APOLD1: variants seen among roughly 807,000 people sequenced by gnomAD.
APOLD1 encodes the protein apolipoprotein L domain-containing protein 1.
APOLD1 carries 22 observed loss-of-function variants against 15.3 expected under a neutral mutation model. The observed-to-expected ratio is 1.44, with a 90% CI of 1.03 to 2.05. The LOEUF is 2.05. Ranked by LOEUF, APOLD1 falls within the 30% of genes most tolerant of loss-of-function variation. The pLI is 0.00. For synonymous variants in APOLD1, 190 were observed against 167.4 expected (o/e 1.13, Z -1.04); for missense variants, 394 against 353.5 (o/e 1.11, Z -0.92).
intron 1 of APOLD1, among the ~76,000 whole-genome samples, chr12:12,756,042 C>T (rs1946855572): frequency 6.6e-6 from 1 of 152,144 alleles, no homozygotes; most frequent in Admixed American, 6.6e-5. Context: ...CCTGACTAAT[C>T]CAAGTCAGAA....
In APOLD1 at chr12:12,726,156, C is replaced by CAAAAAAAA. The variant is rs745785485; in HGVS notation, c.96+77_96+84dup. 135 of 113,566 alleles carry CAAAAAAAA rather than the reference C, an allele frequency of 1.2e-3. 1 individual carries two copies. The highest frequency in any genetic ancestry group is 2.6e-3 in the South Asian group (29 of 11,322). The allele number at this position is 113,566 out of a possible 1,614,324, so 7.0% of individuals were successfully genotyped here. A position where few individuals can be genotyped will look rare whatever the true frequency, so the allele number is the denominator to read the frequency against. Reference sequence around the variant, plus strand: ...CCGGAAAAGAACACCTCTTCGCAACCAAAAAAAAAAAAAAAAAAAAAAAAG... The same window carrying CAAAAAAAA: ...CCGGAAAAGAACACCTCTTCGCAACCAAAAAAAAAAAAAAAAAAAAAAAAAAAAAAAAG... On this transcript the variant is annotated intron_variant, in intron 1 of 1. Transcript: ENST00000326765.
chr12:12,781,673 G>T (rs1031302208), upstream of APOLD1, among the ~76,000 whole-genome samples: 1 of 151,148 alleles, frequency 6.6e-6, no homozygotes, highest in Non-Finnish European at 1.5e-5. Context: ...GACTACAGGC[G>T]CCTGCCACCA....
At chr12:12,769,227 TAAAAAAAAAA>T (rs35276279) in intron 1 of APOLD1, among the ~76,000 whole-genome samples, 2 of 61,762 alleles carry the variant, frequency 3.2e-5, no homozygotes, top group Non-Finnish European at 6.4e-5. Context: ...GACCTCCAGC[TAAAAAAAAAA>T]AAAAAAAAAA....
intron 1 of APOLD1, among the ~76,000 whole-genome samples, chr12:12,729,889 ACC>A (rs1485822026): frequency 1.3e-5 from 2 of 151,758 alleles, no homozygotes; most frequent in African/African-American, 4.8e-5. Flanking sequence ...TTTTTTTGAG[ACC>A]AGGTCTCACT....
chr12:12,776,828 T>TA (rs1244009181), intron 1 of APOLD1, among the ~76,000 whole-genome samples: 8 of 152,204 alleles, frequency 5.3e-5, no homozygotes, highest in African/African-American at 1.4e-4. Flanking sequence ...TATATTGAAT[T>TA]AAAAACAGGT....
Position 12,760,708 on chromosome 12 carries a change from T to C in APOLD1, c.97-26201T>C, listed in dbSNP as rs117286761. On this transcript the variant is annotated intron_variant, in intron 1 of 1. Transcript: ENST00000326765. The stretch of plus-strand genomic sequence containing the variant: ...CAAAACCCTTATGTCCATACCACAG[T>C]AAACCTTCTATATGTGGATAAGAAA... Among the ~76,000 whole-genome samples, 1,173 of 149,324 alleles carry C rather than the reference T, an allele frequency of 7.9e-3. 9 individuals are homozygous for C. The highest frequency in any genetic ancestry group is 0.015 in the Non-Finnish European group (999 of 67,522).
intron 1 of APOLD1, among the ~76,000 whole-genome samples, chr12:12,745,939 G>T (rs969495079): frequency 6.6e-6 from 1 of 152,198 alleles, no homozygotes; most frequent in East Asian, 1.9e-4. Flanking sequence ...CAGGAAGAGG[G>T]CATTTATCTG....
chr12:12,730,937 C>T (rs1228544122), intron 1 of APOLD1, among the ~76,000 whole-genome samples: 3 of 151,760 alleles, frequency 2.0e-5, no homozygotes, highest in Non-Finnish European at 2.9e-5. Context: ...GTCAGGAGAT[C>T]GAGACCATCT....
chr12:12,730,073 TGTGTGAGAGAGA>T (rs1245997745), intron 1 of APOLD1, among the ~76,000 whole-genome samples: 18 of 43,972 alleles, frequency 4.1e-4, no homozygotes, highest in East Asian at 2.0e-3. Context: ...TGTGTGTGTG[TGTGTGAGAGAGA>T]GAGAGAGAGA....
intron 1 of APOLD1, among the ~76,000 whole-genome samples, chr12:12,760,776 T>A (rs188647697): frequency 6.6e-6 from 1 of 152,118 alleles, no homozygotes; most frequent in Non-Finnish European, 1.5e-5. Context: ...TATGAATAGA[T>A]CATTTACATA....
intron 1 of APOLD1, among the ~76,000 whole-genome samples, chr12:12,733,611 CT>C (rs531712295): frequency 6.6e-6 from 1 of 151,088 alleles, no homozygotes; most frequent in Non-Finnish European, 1.5e-5. Flanking sequence ...AATTTTTTTT[CT>C]TTTTTTTTGA....
intron 1 of APOLD1, among the ~76,000 whole-genome samples, chr12:12,731,881 G>GTC (rs1204054518): frequency 6.6e-6 from 1 of 152,206 alleles, no homozygotes; most frequent in African/African-American, 2.4e-5. Context: ...AGCCACGACC[G>GTC]TCTTTCAGGT....
At chr12:12,786,815 C>G (rs1398885973) in intron 1 of APOLD1, 94 bp from the exon 2 acceptor site, 1 of 1,317,642 alleles carries the variant, frequency 7.6e-7, no homozygotes, top group Non-Finnish European at 9.6e-7. Flanking sequence ...CTCCGCTGAA[C>G]TCGTGCCAAG....
chr12:12,786,863 G>A, intron 1 of APOLD1, 46 bp from the exon 2 acceptor site: 1 of 1,368,550 alleles, frequency 7.3e-7, no homozygotes, highest in Non-Finnish European at 9.4e-7. Context: ...GGGAGCGGCG[G>A]CTGGCACGGA....
rs531515337 is a variant in APOLD1 at position 12,790,896 on chromosome 12, A to T, written c.*3244A>T. 1.3e-5 allele frequency: 2 copies of T among 152,226 alleles called. No individual in the cohort carries two copies. The highest frequency in any genetic ancestry group is 1.3e-4 in the Admixed American group (2 of 15,278). The allele number at this position is 152,226 out of a possible 1,614,324, so 9.4% of individuals were successfully genotyped here. A position where few individuals can be genotyped will look rare whatever the true frequency, so the allele number is the denominator to read the frequency against. ...TAAGGCCTTCATTCTTTAAACAAAC[A>T]GGTTGAAATGGTATGTTGTAAAAGA... On this transcript the variant is annotated 3_prime_UTR_variant, in exon 2 of 2. Transcript: ENST00000356591.
chr12:12,784,532 C>T (rs575312663), upstream of APOLD1, among the ~76,000 whole-genome samples: 1 of 152,260 alleles, frequency 6.6e-6, no homozygotes, highest in Non-Finnish European at 1.5e-5. Flanking sequence ...TGTTGTTATA[C>T]TGTGTTGATA....
upstream of APOLD1, among the ~76,000 whole-genome samples, chr12:12,782,531 C>T (rs1472143906): frequency 6.6e-6 from 1 of 152,172 alleles, no homozygotes; most frequent in Non-Finnish European, 1.5e-5. Context: ...AAGAGTTTAA[C>T]ACAGTGACAA....
intron 1 of APOLD1, among the ~76,000 whole-genome samples, chr12:12,735,739 G>A (rs1313081919): frequency 6.6e-6 from 1 of 151,908 alleles, no homozygotes; most frequent in East Asian, 1.9e-4. Context: ...GTTAGGCATC[G>A]AAGACCTGCC....
chr12:12,786,606 T>TA, intron 1 of APOLD1: 1 of 971,294 alleles, frequency 1.0e-6, no homozygotes, highest in Non-Finnish European at 1.2e-6. Context: ...GTTTAAATCT[T>TA]ATTTAACACA....
Sources: allele counts gnomAD v4.1 joint callset (sites outside exome capture counted in the v4.1 genomes callset), GRCh38; gene constraint gnomAD v4.1.1; transcripts MANE v1.5; gene names NCBI Gene and HGNC (gene_info 2026-07-23, HGNC 2026-07-21).